IL16: variants seen among roughly 807,000 people sequenced by gnomAD.
IL16 encodes interleukin 16.
In IL16, 67 loss-of-function variants were observed where a neutral mutation model predicts 110.1. The ratio of observed to expected loss-of-function variants is 0.61; its 90% CI spans 0.50 to 0.75. IL16 has a LOEUF of 0.75. Among genes scored for constraint, IL16 ranks in the 30% least tolerant of loss-of-function variants. IL16 has a pLI of 0.00. For synonymous variants in IL16, 689 were observed against 662.9 expected, an observed-to-expected ratio of 1.04 and a Z score of -0.61; for missense variants, 1,545 against 1,655.0, an observed-to-expected ratio of 0.93 and a Z score of 1.15.
At position 81,308,751 on chromosome 15, in the gene IL16, A is replaced by T; in HGVS notation, c.3952A>T (p.Arg1318Ter). 1 of 1,614,122 alleles carries T rather than the reference A, an allele frequency of 6.2e-7. No individual in the cohort carries two copies. The highest frequency in any genetic ancestry group is 8.5e-7 in the Non-Finnish European group (1 of 1,180,018). The change falls in exon 19 of 19, where the codon AGA (arginine) becomes TGA (stop). Residue 1318 changes from arginine (R) to a stop codon, truncating the protein, a stop_gained. Coordinates refer to ENST00000683961, the MANE Select transcript of IL16 (RefSeq NM_172217.5). LOFTEE classifies it high-confidence loss of function. ...PDGPVTIVIR[R>*]KSLQSKETTA... Reference sequence around the variant, plus strand: ...TGGACCTGTCACGATTGTCATCAGGAGAAAAAGCCTCCAGTCCAAGGAAAC... The same window carrying T: ...TGGACCTGTCACGATTGTCATCAGGTGAAAAAGCCTCCAGTCCAAGGAAAC...
intron 1 of IL16, among the ~76,000 whole-genome samples, chr15:81,201,460 G>T (rs1324591435): frequency 6.6e-6 from 1 of 151,994 alleles, no homozygotes; most frequent in Admixed American, 6.6e-5. Context: ...TAATTTAATG[G>T]CCCTGCCCTT....
intron 8 of IL16, 112 bp from the exon 9 acceptor site, chr15:81,282,527 G>A: frequency 1.3e-6 from 1 of 774,440 alleles, no homozygotes; most frequent in Non-Finnish European, 2.3e-6. Flanking sequence ...GAATACGGGT[G>A]GGATGAAAGC....
intron 1 of IL16, among the ~76,000 whole-genome samples, chr15:81,224,879 T>G (rs143674593): frequency 2.3e-3 from 346 of 152,262 alleles, no homozygotes; most frequent in African/African-American, 7.7e-3. Flanking sequence ...TTTGGTCTGC[T>G]CTATAGACTG....
chr15:81,285,889 G>C, intron 10 of IL16, 59 bp downstream of exon 10: 1 of 1,566,832 alleles, frequency 6.4e-7, no homozygotes, highest in Non-Finnish European at 8.8e-7. Context: ...ACCAAAATTG[G>C]AACAAGAAAT....
chr15:81,309,011 T>C lies in IL16; in HGVS notation c.*213T>C, dbSNP rs182975240. 101 of 484,088 alleles carry C rather than the reference T, an allele frequency of 2.1e-4. No homozygotes were observed. In the Admixed American group the frequency reaches 2.2e-3, roughly 11 times the overall value. 30.0% of individuals were successfully genotyped at this position (484,088 alleles called of 1,614,324 possible). ...GGCAGAGTCACACGGGGGCAGCTGA[T>C]ACAAATTGCAGACTGTGTAAAAAGA... On this transcript the variant is annotated 3_prime_UTR_variant, in exon 19 of 19. Coordinates refer to ENST00000683961, the MANE Select transcript of IL16 (RefSeq NM_172217.5).
chr15:81,192,772 C>T (rs1895517898), upstream of IL16, among the ~76,000 whole-genome samples: 1 of 152,142 alleles, frequency 6.6e-6, no homozygotes, highest in South Asian at 2.1e-4. Flanking sequence ...AAGGTGAAAG[C>T]TATAATCAGA....
intron 1 of IL16, among the ~76,000 whole-genome samples, chr15:81,216,122 C>T (rs898628310): frequency 1.3e-5 from 2 of 152,216 alleles, no homozygotes; most frequent in African/African-American, 4.8e-5. Flanking sequence ...GGGCCAGCGC[C>T]TCCCAGAGGG....
chr15:81,252,616 G>A (rs986482276), intron 2 of IL16, among the ~76,000 whole-genome samples: 1 of 151,996 alleles, frequency 6.6e-6, no homozygotes, highest in South Asian at 2.1e-4. Flanking sequence ...GAAACCTCCT[G>A]CCCATTAGCT....
At chr15:81,272,471 C>G (rs1187977920) in intron 5 of IL16, among the ~76,000 whole-genome samples, 1 of 152,206 alleles carries the variant, frequency 6.6e-6, no homozygotes, top group Non-Finnish European at 1.5e-5. Context: ...CCAGAGCCAC[C>G]TGTACAATTC....
chr15:81,249,510 A>C (rs1345237405), intron 2 of IL16, among the ~76,000 whole-genome samples: 2 of 152,194 alleles, frequency 1.3e-5, no homozygotes, highest in Non-Finnish European at 2.9e-5. Flanking sequence ...ACTAATCATT[A>C]CACTGCTATA....
chr15:81,269,503 G>T, intron 4 of IL16, 35 bp from the exon 5 acceptor site: 1 of 1,441,710 alleles, frequency 6.9e-7, no homozygotes, highest in Non-Finnish European at 9.8e-7. Flanking sequence ...GTCCTATGTG[G>T]CTAATCTTCT....
chr15:81,196,051 G>C (rs532629793), upstream of IL16, among the ~76,000 whole-genome samples: 2 of 152,344 alleles, frequency 1.3e-5, no homozygotes, highest in East Asian at 3.9e-4. Context: ...CAGAGTGCCA[G>C]AGGTGCTGCT....
intron 2 of IL16, among the ~76,000 whole-genome samples, chr15:81,250,293 A>G (rs1595992925): frequency 6.6e-6 from 1 of 151,892 alleles, no homozygotes; most frequent in Non-Finnish European, 1.5e-5. Context: ...CCTCAGCCTC[A>G]CGAGTAGCTG....
In IL16 at chr15:81,300,140, G is replaced by A. The variant is rs146341072; in HGVS notation, c.2814G>A (p.Pro938=). The A allele has an allele frequency of 3.0e-3, 4,878 of 1,610,232 alleles. 11 individuals carry two copies. Among genetic ancestry groups the A allele is most frequent in the Non-Finnish European group, 3.8e-3 (4,420 of 1,177,416 alleles). The part of the protein sequence containing the change: ...QPNQKTLPPG[P]DPLLRLLSTQ... ...ATCAGAAAACTCTCCCCCCTGGCCC[G>A]GACCCGCTCCTAAGGCTGCTGTCAA... is the stretch of plus-strand genomic sequence containing the variant. Residue 938 remains proline, a synonymous_variant, in exon 14 of 19, where the codon CCG becomes CCA. Coordinates refer to ENST00000683961, the MANE Select transcript of IL16 (RefSeq NM_172217.5).
intron 2 of IL16, among the ~76,000 whole-genome samples, chr15:81,242,727 G>A (rs1897378371): frequency 6.6e-6 from 1 of 151,930 alleles, no homozygotes; most frequent in South Asian, 2.1e-4. Flanking sequence ...CCTTATTGTA[G>A]TAAGTAGAAC....
intron 1 of IL16, among the ~76,000 whole-genome samples, chr15:81,205,824 A>T (rs1237478760): frequency 6.6e-6 from 1 of 152,210 alleles, no homozygotes; most frequent in East Asian, 1.9e-4. Context: ...GGATAGGAAA[A>T]TACTGTGCAA....
intron 2 of IL16, among the ~76,000 whole-genome samples, chr15:81,226,629 C>T (rs186455075): frequency 7.2e-5 from 11 of 152,330 alleles, no homozygotes; most frequent in African/African-American, 2.6e-4. Flanking sequence ...ATTTAACACA[C>T]ATAATAAACA....
At chr15:81,245,626 T>C (rs150626987) in intron 2 of IL16, among the ~76,000 whole-genome samples, 18 of 151,950 alleles carry the variant, frequency 1.2e-4, no homozygotes, top group Non-Finnish European at 2.4e-4. Context: ...GCCCCATTTT[T>C]CTTTGGTGGA....
chr15:81,208,963 T>C (rs72478425), intron 1 of IL16, among the ~76,000 whole-genome samples: 13,306 of 152,266 alleles, frequency 0.087, 916 homozygotes, highest in South Asian at 0.3. Context: ...GATAACATTA[T>C]AGGTACTTAT....
Sources: allele counts gnomAD v4.1 joint callset (sites outside exome capture counted in the v4.1 genomes callset), GRCh38; gene constraint gnomAD v4.1.1; transcripts MANE v1.5; gene names NCBI Gene and HGNC (gene_info 2026-07-23, HGNC 2026-07-21).